UVRAG: variants seen among roughly 807,000 people sequenced by gnomAD.
The protein encoded by UVRAG is UV radiation resistance-associated gene protein.
Under a neutral mutation model 78.0 loss-of-function variants are expected in UVRAG, and 19 were observed. That is an observed-to-expected ratio of 0.24 (90% CI 0.17 to 0.36). UVRAG has a LOEUF of 0.36. Among genes scored for constraint, UVRAG ranks in the 10% least tolerant of loss-of-function variants. UVRAG has a pLI of 1.00. For synonymous variants in UVRAG, 323 were observed against 324.6 expected (o/e 1.00, Z 0.05); for missense variants, 740 against 853.8 (o/e 0.87, Z 1.66).
At chr11:76,012,855 A>T (rs1170473844) in intron 11 of UVRAG, 1 of 143,470 alleles carries the variant, frequency 7.0e-6, no homozygotes, top group African/African-American at 2.6e-5. Flanking sequence ...GTGTTTAAGT[A>T]ATCCATAACA....
chr11:75,990,710 C>T (rs891354073), intron 8 of UVRAG, among the ~76,000 whole-genome samples: 37 of 152,184 alleles, frequency 2.4e-4, no homozygotes, highest in African/African-American at 8.7e-4. Flanking sequence ...TTCTCTTTCT[C>T]CTCCCACCCC....
intron 13 of UVRAG, among the ~76,000 whole-genome samples, chr11:76,073,954 A>G (rs941870503): frequency 2.0e-5 from 3 of 152,210 alleles, no homozygotes; most frequent in East Asian, 1.9e-4. Context: ...GCTGGCTTCT[A>G]TTAAGCTAGA....
At chr11:76,091,376 G>A (rs2134427526) in intron 13 of UVRAG, among the ~76,000 whole-genome samples, 1 of 152,238 alleles carries the variant, frequency 6.6e-6, no homozygotes, top group Admixed American at 6.5e-5. Flanking sequence ...GTTGTGCTCG[G>A]CACTCAATGG....
rs377339519 is a variant in UVRAG, at chr11:75,874,965, G to C, written c.271-4914G>C. Among the ~76,000 whole-genome samples, 136 of 152,282 alleles carry C rather than the reference G, an allele frequency of 8.9e-4. 2 individuals carry two copies. The South Asian group carries it at 0.013, about 14-fold the overall frequency. On this transcript the variant is annotated intron_variant, in intron 3 of 14. Coordinates refer to ENST00000356136, the MANE Select transcript of UVRAG (RefSeq NM_003369.4). ...AGTGGTTCTGTTTGGGTGACGGTCT[G>C]CTGCTGTTCCCAAGCCCATCCACGT...
At position 76,140,877 on chromosome 11, in the gene UVRAG, A is replaced by G; in HGVS notation, c.1564A>G (p.Ser522Gly). The G allele has an allele frequency of 2.5e-6, 4 of 1,614,134 alleles. No homozygotes were observed. Among genetic ancestry groups the G allele is most frequent in the Non-Finnish European group, 3.4e-6 (4 of 1,180,018 alleles). Residue 522 changes from serine to glycine, a missense_variant, in exon 15 of 15, where the codon AGT (serine) becomes GGT (glycine). Ser to Gly is a moderately conservative substitution (Grantham distance 56). Transcript: ENST00000356136. ...ERLQYKTPPP[S>G]YNSALAQPVT... ...ACTTCAGTACAAAACCCCTCCTCCC[A>G]GTTACAACTCAGCATTAGCCCAGCC... is the stretch of plus-strand genomic sequence containing the variant.
At chr11:75,906,494 C>T (rs867245285) in intron 5 of UVRAG, among the ~76,000 whole-genome samples, 7 of 151,952 alleles carry the variant, frequency 4.6e-5, no homozygotes, top group Admixed American at 2.0e-4. Flanking sequence ...ATTACAAGCG[C>T]GTGCCATCAT....
chr11:75,929,319 G>A (rs1948181526), intron 6 of UVRAG, among the ~76,000 whole-genome samples: 1 of 152,174 alleles, frequency 6.6e-6, no homozygotes, highest in African/African-American at 2.4e-5. Flanking sequence ...AGAATCTGTT[G>A]TTAGTAGACC....
intron 4 of UVRAG, among the ~76,000 whole-genome samples, chr11:75,888,206 T>C (rs928763423): frequency 3.3e-5 from 5 of 152,192 alleles, no homozygotes; most frequent in Non-Finnish European, 7.3e-5. Flanking sequence ...TGATCATGGC[T>C]CACTGAAGCC....
At chr11:76,031,781 A>C (rs187633630) in intron 12 of UVRAG, among the ~76,000 whole-genome samples, 1 of 152,218 alleles carries the variant, frequency 6.6e-6, no homozygotes, top group African/African-American at 2.4e-5. Flanking sequence ...CCCACATTCA[A>C]TACTGTTACA....
intron 13 of UVRAG, among the ~76,000 whole-genome samples, chr11:76,111,710 T>G (rs929390246): frequency 1.3e-5 from 2 of 152,098 alleles, no homozygotes; most frequent in African/African-American, 4.8e-5. Flanking sequence ...GTCCTGGGGC[T>G]GTAGTACTAA....
intron 8 of UVRAG, among the ~76,000 whole-genome samples, chr11:75,989,186 C>T (rs1949557424): frequency 6.6e-6 from 1 of 152,044 alleles, no homozygotes; most frequent in South Asian, 2.1e-4. Context: ...TCCTCAGTAG[C>T]TAGGATTACA....
At chr11:75,895,757 G>A (rs754650342) in intron 5 of UVRAG, among the ~76,000 whole-genome samples, 1 of 152,016 alleles carries the variant, frequency 6.6e-6, no homozygotes, top group Admixed American at 6.6e-5. Flanking sequence ...GATTACAGGC[G>A]TGAGCCACCA....
chr11:75,817,310 A>G (rs562015942), intron 1 of UVRAG, among the ~76,000 whole-genome samples: 2 of 152,246 alleles, frequency 1.3e-5, no homozygotes, highest in South Asian at 2.1e-4. Context: ...AGAAAGCATC[A>G]TTTACTTCAT....
chr11:75,923,395 A>G (rs1403906370), intron 6 of UVRAG, among the ~76,000 whole-genome samples: 1 of 152,182 alleles, frequency 6.6e-6, no homozygotes, highest in African/African-American at 2.4e-5. Context: ...TCCCAAAATC[A>G]TAAAATTGAG....
At chr11:75,899,631 A>G (rs1262286530) in intron 5 of UVRAG, among the ~76,000 whole-genome samples, 1 of 152,096 alleles carries the variant, frequency 6.6e-6, no homozygotes, top group Non-Finnish European at 1.5e-5. Context: ...ACATCTCCAC[A>G]TTTCTTCCCA....
chr11:75,935,860 C>T (rs1948364446), intron 6 of UVRAG, among the ~76,000 whole-genome samples: 1 of 152,174 alleles, frequency 6.6e-6, no homozygotes, highest in Non-Finnish European at 1.5e-5. Context: ...ATGTTACTGG[C>T]ATCTCATTCA....
chr11:75,846,129 A>G (rs575259494), intron 1 of UVRAG, among the ~76,000 whole-genome samples: 124 of 152,362 alleles, frequency 8.1e-4, no homozygotes, highest in Admixed American at 1.1e-3. Flanking sequence ...AAAAGATCAA[A>G]GCATTGATAT....
intron 6 of UVRAG, chr11:75,914,291 C>T (rs1017236947): frequency 4.6e-5 from 7 of 152,154 alleles, no homozygotes; most frequent in African/African-American, 9.7e-5. Context: ...AACTCTAGTT[C>T]GTGGTTTCCT....
chr11:76,001,218 A>G (rs1949808229), intron 8 of UVRAG, among the ~76,000 whole-genome samples: 1 of 152,226 alleles, frequency 6.6e-6, no homozygotes, highest in Admixed American at 6.5e-5. Flanking sequence ...CCACAATTAC[A>G]CAATATATAT....
Sources: gnomAD v4.1 joint callset for allele counts (sites outside exome capture counted in the v4.1 genomes callset) on GRCh38, gnomAD v4.1.1 for gene constraint, MANE v1.5 for transcripts, NCBI Gene and HGNC (gene_info 2026-07-23, HGNC 2026-07-21) for gene names.